The following SLC9A8 variants were observed in gnomAD, a reference collection of about 807,000 sequenced individuals.
SLC9A8 encodes the protein solute carrier family 9 member A8, also known as sodium/hydrogen exchanger 8.
SLC9A8 carries 48 observed loss-of-function variants against 66.6 expected under a neutral mutation model. The observed-to-expected ratio is 0.72, with a 90% CI of 0.57 to 0.92. The LOEUF is 0.92. Ranked by LOEUF, SLC9A8 falls within the 40% of genes least tolerant of loss-of-function variation. SLC9A8 has a pLI of 0.00. For missense variants in SLC9A8, 599 were observed against 747.3 expected, an observed-to-expected ratio of 0.80 and a Z score of 2.31; for synonymous variants, 274 against 282.6, an observed-to-expected ratio of 0.97 and a Z score of 0.31.
intron 12 of SLC9A8, 90 bp from the exon 13 acceptor site, chr20:49,880,834 G>GT: frequency 1.2e-6 from 1 of 848,186 alleles, no homozygotes; most frequent in Non-Finnish European, 2.0e-6. Flanking sequence ...TACTGGATGT[G>GT]TTACACAGTC....
intron 3 of SLC9A8, chr20:49,830,619 A>G: frequency 4.9e-6 from 3 of 614,228 alleles, no homozygotes; most frequent in Non-Finnish European, 8.9e-6. Flanking sequence ...TAATCACAGA[A>G]TGTTGGTGAT....
intron 12 of SLC9A8, among the ~76,000 whole-genome samples, chr20:49,879,603 T>C (rs1228930323): frequency 6.6e-6 from 1 of 152,086 alleles, no homozygotes; most frequent in Non-Finnish European, 1.5e-5. Context: ...GGCGGGTGGA[T>C]CACTTGAGGT....
intron 10 of SLC9A8, among the ~76,000 whole-genome samples, chr20:49,869,801 C>G (rs1184243392): frequency 6.6e-6 from 1 of 151,136 alleles, no homozygotes; most frequent in East Asian, 2.0e-4. Context: ...CCACTGCACT[C>G]TAGCCTGGCG....
At chr20:49,877,855 T>G (rs912102285) in intron 11 of SLC9A8, 126 bp from the exon 12 acceptor site, 1 of 603,722 alleles carries the variant, frequency 1.7e-6, no homozygotes, top group Non-Finnish European at 2.8e-6. Context: ...GGCTGCAGGA[T>G]TTTCAAGAAA....
chr20:49,855,989 C>G (rs1568844932), intron 8 of SLC9A8, among the ~76,000 whole-genome samples: 2 of 152,084 alleles, frequency 1.3e-5, no homozygotes. Context: ...AGATGGGGTT[C>G]GCCATGTTGC....
chr20:49,849,216 T>TG (rs2088139307), intron 5 of SLC9A8, among the ~76,000 whole-genome samples: 1 of 151,686 alleles, frequency 6.6e-6, no homozygotes, highest in African/African-American at 2.4e-5. Context: ...TCATTCAGGG[T>TG]GGGGGCTAGC....
chr20:49,884,237 C>CG (rs1327544414), intron 14 of SLC9A8, 171 bp downstream of exon 14: 3,971 of 173,418 alleles, frequency 0.023, 41 homozygotes, highest in African/African-American at 0.037. Context: ...CACACACACA[C>CG]ACACGACACA....
intron 2 of SLC9A8, among the ~76,000 whole-genome samples, chr20:49,820,379 C>T (rs568448855): frequency 6.6e-6 from 1 of 151,820 alleles, no homozygotes; most frequent in South Asian, 2.1e-4. Flanking sequence ...ACCTATAATC[C>T]CAGCTATTCG....
chr20:49,847,201 T>C (rs1319506997), intron 5 of SLC9A8, among the ~76,000 whole-genome samples: 2 of 152,128 alleles, frequency 1.3e-5, no homozygotes, highest in Non-Finnish European at 2.9e-5. Flanking sequence ...GTTAGTGACA[T>C]CAGATAATTT....
chr20:49,860,957 A>G (rs897998472), intron 8 of SLC9A8, among the ~76,000 whole-genome samples: 4 of 152,212 alleles, frequency 2.6e-5, no homozygotes, highest in Admixed American at 6.5e-5. Context: ...GGAGAAGTCA[A>G]GCACCATGAC....
intron 2 of SLC9A8, among the ~76,000 whole-genome samples, chr20:49,822,664 C>G (rs1449081583): frequency 6.6e-6 from 1 of 152,040 alleles, no homozygotes; most frequent in Non-Finnish European, 1.5e-5. Flanking sequence ...TCATGTGTCT[C>G]TAGTCCCAGC....
intron 10 of SLC9A8, among the ~76,000 whole-genome samples, chr20:49,871,957 T>C (rs2281222): frequency 0.43 from 66,025 of 152,136 alleles, 15,327 homozygotes; most frequent in African/African-American, 0.59. Context: ...ACAGGGCTAC[T>C]GTCAGCCTTT....
intron 14 of SLC9A8, 34 bp downstream of exon 14, chr20:49,884,100 G>A: frequency 6.3e-7 from 1 of 1,589,936 alleles, no homozygotes; most frequent in Non-Finnish European, 8.6e-7. Context: ...GTGGGGCAGG[G>A]GGCTGGCCTG....
intron 3 of SLC9A8, among the ~76,000 whole-genome samples, chr20:49,834,329 C>CAG (rs1555831809): frequency 3.1e-5 from 3 of 97,572 alleles, no homozygotes; most frequent in Admixed American, 1.1e-4. Flanking sequence ...TATATATATA[C>CAG]TGTGTATATA....
chr20:49,855,294 A>G (rs1298311982), intron 7 of SLC9A8, 144 bp from the exon 8 acceptor site: 8 of 857,234 alleles, frequency 9.3e-6, no homozygotes, highest in African/African-American at 8.5e-5. Context: ...ATAAGTGGGG[A>G]AAAAATACGC....
intron 7 of SLC9A8, among the ~76,000 whole-genome samples, chr20:49,855,017 A>G (rs2088411740): frequency 6.6e-6 from 1 of 152,160 alleles, no homozygotes; most frequent in African/African-American, 2.4e-5. Flanking sequence ...TGCAAATCTG[A>G]GTGCAGGCTG....
intron 5 of SLC9A8, 30 bp downstream of exon 5, chr20:49,845,149 G>T: frequency 6.7e-7 from 1 of 1,502,064 alleles, no homozygotes; most frequent in African/African-American, 1.4e-5. Flanking sequence ...TGGTGCTTTG[G>T]TCTGGACAGT....
intron 3 of SLC9A8, chr20:49,830,343 A>T: frequency 1.1e-6 from 1 of 944,270 alleles, no homozygotes; most frequent in South Asian, 1.3e-5. Context: ...TGATTTGTTC[A>T]TCTAGGAGGG....
At chr20:49,852,395 A>T (rs771938651) in intron 7 of SLC9A8, among the ~76,000 whole-genome samples, 1 of 152,196 alleles carries the variant, frequency 6.6e-6, no homozygotes, top group African/African-American at 2.4e-5. Flanking sequence ...CACAAATACC[A>T]TGCAGACCAA....
Sources: allele counts gnomAD v4.1 joint callset (sites outside exome capture counted in the v4.1 genomes callset), GRCh38; gene constraint gnomAD v4.1.1; transcripts MANE v1.5; gene names NCBI Gene and HGNC (gene_info 2026-07-23, HGNC 2026-07-21).